Variants in IFT25 observed in about 807,000 individuals in gnomAD.
The protein encoded by IFT25 is intraflagellar transport 25.
At chr1:53,928,455 A>G in the IFT25 span, 1 of 1,569,434 alleles carries the variant, frequency 6.4e-7, no homozygotes, top group South Asian at 1.1e-5. Context: ...CATTGTAAAC[A>G]AAGTAAGTAA....
chr1:53,927,867 G>C, the IFT25 span, among the ~76,000 whole-genome samples: 4 of 152,086 alleles, frequency 2.6e-5, no homozygotes, highest in Non-Finnish European at 5.9e-5. Context: ...ATTTGCTTTA[G>C]TTTGCTGGTT....
chr1:53,920,355 T>C, the IFT25 span, among the ~76,000 whole-genome samples: 13 of 152,242 alleles, frequency 8.5e-5, no homozygotes, highest in East Asian at 1.9e-4. Context: ...AGTATGGTTG[T>C]AGTCAACTGT....
At chr1:53,946,085 G>C in the IFT25 span, 1 of 150,240 alleles carries the variant, frequency 6.7e-6, no homozygotes, top group Non-Finnish European at 1.5e-5. Context: ...CCATTACTTC[G>C]CGGGCCAAGA....
the IFT25 span, among the ~76,000 whole-genome samples, chr1:53,936,912 C>T: frequency 1.3e-5 from 2 of 152,038 alleles, no homozygotes; most frequent in Non-Finnish European, 2.9e-5. Flanking sequence ...CCAGGCTAGT[C>T]TCAAACTCCT....
chr1:53,937,379 G>A, the IFT25 span, among the ~76,000 whole-genome samples: 6 of 152,172 alleles, frequency 3.9e-5, no homozygotes, highest in South Asian at 2.1e-4. Context: ...TCAGCCTCCC[G>A]AAATGCTGGG....
the IFT25 span, among the ~76,000 whole-genome samples, chr1:53,938,091 G>C: frequency 6.6e-6 from 1 of 152,288 alleles, no homozygotes; most frequent in East Asian, 1.9e-4. Context: ...TTTTGAGCAA[G>C]TCATCTGATC....
At chr1:53,945,016 T>A in the IFT25 span, among the ~76,000 whole-genome samples, 1 of 152,148 alleles carries the variant, frequency 6.6e-6, no homozygotes, top group African/African-American at 2.4e-5. Context: ...TGGTGTACTT[T>A]AGAAAACACG....
chr1:53,917,896 T>A, the IFT25 span, among the ~76,000 whole-genome samples: 1 of 152,176 alleles, frequency 6.6e-6, no homozygotes, highest in African/African-American at 2.4e-5. Flanking sequence ...GATCCACACA[T>A]GGCATGTGGT....
At chr1:53,944,569 C>CA in the IFT25 span, among the ~76,000 whole-genome samples, 1 of 152,202 alleles carries the variant, frequency 6.6e-6, no homozygotes, top group Non-Finnish European at 1.5e-5. Context: ...CTCCTGAACC[C>CA]AGGAAGCGGA....
the IFT25 span, chr1:53,924,004 C>T: frequency 9.1e-7 from 1 of 1,103,028 alleles, no homozygotes; most frequent in Non-Finnish European, 1.4e-6. Context: ...ATGAGAATAG[C>T]TATTGAAATT....
the IFT25 span, chr1:53,928,598 A>G: frequency 1.8e-6 from 1 of 565,518 alleles, no homozygotes; most frequent in Admixed American, 3.3e-5. Flanking sequence ...GTTTCCAAAA[A>G]ACCCTATGGT....
the IFT25 span, among the ~76,000 whole-genome samples, chr1:53,932,713 C>T: frequency 4.6e-5 from 7 of 152,256 alleles, no homozygotes; most frequent in South Asian, 1.0e-3. Flanking sequence ...TACAGGTACA[C>T]GCCACCATGA....
the IFT25 span, chr1:53,917,144 C>CA: frequency 9.8e-3 from 1,281 of 131,116 alleles, 13 homozygotes; most frequent in African/African-American, 0.024. Context: ...AACTACATCT[C>CA]AAAAAAAAAG....
the IFT25 span, among the ~76,000 whole-genome samples, chr1:53,912,871 T>C: frequency 6.6e-6 from 1 of 152,344 alleles, no homozygotes; most frequent in Non-Finnish European, 1.5e-5. Context: ...TCGACAGATC[T>C]GAGGTTGAGC....
the IFT25 span, among the ~76,000 whole-genome samples, chr1:53,933,162 G>C: frequency 7.1e-6 from 1 of 141,724 alleles, no homozygotes; most frequent in African/African-American, 2.7e-5. Flanking sequence ...TTGAGGCGGA[G>C]TCTCACTCTG....
At chr1:53,928,617 G>C in the IFT25 span, 74 of 541,224 alleles carry the variant, frequency 1.4e-4, no homozygotes, top group Non-Finnish European at 6.6e-6. Context: ...GTAAAATATA[G>C]TCTTGTGTAA....
At chr1:53,928,463 T>C in the IFT25 span, 1 of 1,552,266 alleles carries the variant, frequency 6.4e-7, no homozygotes, top group Non-Finnish European at 8.9e-7. Context: ...ACAAAGTAAG[T>C]AAAGTGTTAA....
the IFT25 span, chr1:53,928,698 G>A: frequency 1.6e-5 from 6 of 384,012 alleles, no homozygotes; most frequent in South Asian, 1.6e-4. Context: ...GCATTGTTCC[G>A]ATTTTTTTGT....
the IFT25 span, among the ~76,000 whole-genome samples, chr1:53,934,312 C>T: frequency 6.6e-6 from 1 of 152,150 alleles, no homozygotes; most frequent in Admixed American, 6.6e-5. Context: ...CTCCCTTCCC[C>T]AGTATTTAAA....
Sources: gnomAD v4.1 joint callset for allele counts (sites outside exome capture counted in the v4.1 genomes callset) on GRCh38, gnomAD v4.1.1 for gene constraint, MANE v1.5 for transcripts, NCBI Gene and HGNC (gene_info 2026-07-23, HGNC 2026-07-21) for gene names.